Variants in NEBL observed in about 807,000 individuals in gnomAD.
NEBL encodes nebulette.
Under a neutral mutation model 140.2 loss-of-function variants are expected in NEBL, and 122 were observed. The observed-to-expected ratio is 0.87, with a 90% CI of 0.75 to 1.01. The LOEUF (loss-of-function observed/expected upper bound fraction) is 1.01, where lower values mean the gene tolerates loss of function less well. Ranked by LOEUF, NEBL falls within the 50% of genes least tolerant of loss-of-function variation. NEBL has a pLI of 0.00. For missense variants in NEBL, 1,365 were observed against 1,231.3 expected (o/e 1.11, Z -1.62); for synonymous variants, 436 against 398.9 (o/e 1.09, Z -1.11).
Position 20,824,804 on chromosome 10 carries a change from C to A in NEBL, c.1870-1504G>T, listed in dbSNP as rs141133486. ...TTTTGTTTTTCAAAGGGACTCTAAT[C>A]AAAATGGCACAGTTATTTCACTGTA... On this transcript the variant is annotated intron_variant, in intron 18 of 27. Coordinates refer to ENST00000377122, the MANE Select transcript of NEBL (RefSeq NM_006393.3). Among the ~76,000 whole-genome samples the A allele has an allele frequency of 8.4e-4, 128 of 152,272 alleles. No individual in the cohort carries two copies. The East Asian group carries it at 0.022, about 26-fold the overall frequency.
intron 2 of NEBL, among the ~76,000 whole-genome samples, chr10:21,084,599 AAAAAAAAT>A (rs371876327): frequency 1.4e-4 from 21 of 152,244 alleles, no homozygotes; most frequent in African/African-American, 2.9e-4. Flanking sequence ...TCTGTCCCAA[AAAAAAAAT>A]AAAAAAATAA....
At chr10:20,830,734 CAAA>C (rs577547056) in intron 16 of NEBL, among the ~76,000 whole-genome samples, 1 of 129,860 alleles carries the variant, frequency 7.7e-6, no homozygotes. Context: ...CCAATAGGGT[CAAA>C]AAAAAAAAAA....
chr10:21,237,440 G>A (rs11012602), intron 3 of NEBL, among the ~76,000 whole-genome samples: 8,142 of 152,184 alleles, frequency 0.054, 261 homozygotes, highest in South Asian at 0.14. Flanking sequence ...CCTGACCTCA[G>A]GTTATCCACC....
At chr10:21,141,350 G>A (rs1007043226) in intron 2 of NEBL, among the ~76,000 whole-genome samples, 2 of 152,006 alleles carry the variant, frequency 1.3e-5, no homozygotes, top group Non-Finnish European at 2.9e-5. Flanking sequence ...CATTATTTAG[G>A]GGCAACGAGA....
intron 4 of NEBL, among the ~76,000 whole-genome samples, chr10:20,916,219 C>A (rs1056668531): frequency 1.1e-4 from 17 of 152,130 alleles, no homozygotes; most frequent in Non-Finnish European, 2.1e-4. Context: ...GAGTTCCCAA[C>A]ACCTTAACCT....
chr10:21,141,207 T>C (rs1177658577), intron 2 of NEBL, among the ~76,000 whole-genome samples: 6 of 152,354 alleles, frequency 3.9e-5, no homozygotes, highest in Admixed American at 2.0e-4. Context: ...ATGGCATTAT[T>C]GTTTCATTTA....
At chr10:20,981,383 T>A (rs1837032888) in intron 3 of NEBL, among the ~76,000 whole-genome samples, 2 of 150,504 alleles carry the variant, frequency 1.3e-5, no homozygotes, top group South Asian at 4.2e-4. Context: ...CCTAGTATTA[T>A]GAAGAATTCT....
chr10:20,968,538 T>A (rs995909905), intron 3 of NEBL, among the ~76,000 whole-genome samples: 1 of 151,800 alleles, frequency 6.6e-6, no homozygotes, highest in African/African-American at 2.4e-5. Flanking sequence ...TACATAAATA[T>A]GGAGGAGGGA....
rs1242168937 is a variant in NEBL at position 20,796,697 on chromosome 10, G to A, written c.2762-9389C>T. Among the ~76,000 whole-genome samples the A allele has an allele frequency of 2.6e-5, 4 of 151,958 alleles. No individual in the cohort carries two copies. In the South Asian group the frequency reaches 6.2e-4, roughly 24 times the overall value. ...CCCATTTACTTCTACATTTAGATTCGAATTGCCACTTCCATTTTTTTCCCT... is the reference window on the plus strand; with the variant it reads ...CCCATTTACTTCTACATTTAGATTCAAATTGCCACTTCCATTTTTTTCCCT... On this transcript the variant is annotated intron_variant, in intron 26 of 27. Coordinates refer to ENST00000377122, the MANE Select transcript of NEBL (RefSeq NM_006393.3).
At position 20,979,857 on chromosome 10, in the gene NEBL, C is replaced by T. The variant is rs550164757; in HGVS notation, c.250-18078G>A. Among the ~76,000 whole-genome samples, 51 of 152,128 alleles carry T rather than the reference C, an allele frequency of 3.4e-4. No individual in the cohort carries two copies. The South Asian group carries it at 8.3e-3, about 25-fold the overall frequency. On this transcript the variant is annotated intron_variant, in intron 3 of 6. Transcript: ENST00000417816. ...GAGTAGCTGGGACTACAAGCACATG[C>T]CACCATGGTCATCTAATTTTTAAAT...
intron 4 of NEBL, among the ~76,000 whole-genome samples, chr10:20,926,879 A>G (rs1411414162): frequency 6.6e-6 from 1 of 152,224 alleles, no homozygotes; most frequent in South Asian, 2.1e-4. Context: ...ATTCCCATCA[A>G]CTAAGCACAA....
chr10:20,795,614 C>G (rs757908047), intron 26 of NEBL, among the ~76,000 whole-genome samples: 17 of 151,896 alleles, frequency 1.1e-4, no homozygotes, highest in Non-Finnish European at 2.5e-4. Context: ...ATTGCCAATA[C>G]CAACCTATTT....
At chr10:21,256,163 G>A (rs750172176) in intron 1 of NEBL, among the ~76,000 whole-genome samples, 1 of 151,820 alleles carries the variant, frequency 6.6e-6, no homozygotes, top group Non-Finnish European at 1.5e-5. Flanking sequence ...CACATCCTGG[G>A]TTCAAGTGAT....
rs16921538 is a variant in NEBL, at chr10:21,077,892, A to G, written c.165-57691T>C. On this transcript the variant is annotated intron_variant, in intron 2 of 6. Coordinates refer to the NEBL transcript ENST00000417816. ...GCCCGAGCTATGGGCTTCCCACACT[A>G]TTCATGACCACGAGAAAGTACTTTA... Among the ~76,000 whole-genome samples the G allele has an allele frequency of 7.6e-3, 1,160 of 152,210 alleles. 51 individuals carry two copies. The East Asian group carries it at 0.11, about 14-fold the overall frequency.
intron 2 of NEBL, among the ~76,000 whole-genome samples, chr10:21,043,852 T>C (rs1333542253): frequency 6.6e-6 from 1 of 152,212 alleles, no homozygotes; most frequent in Non-Finnish European, 1.5e-5. Context: ...TTGTTTTTAT[T>C]ATCTATTATA....
chr10:21,203,418 A>G (rs962629507), intron 3 of NEBL, among the ~76,000 whole-genome samples: 6 of 152,214 alleles, frequency 3.9e-5, no homozygotes, highest in African/African-American at 7.2e-5. Context: ...AAGTTCTCCA[A>G]CTTATGGACT....
chr10:21,112,837 T>C lies in NEBL; in HGVS notation c.164+59546A>G, dbSNP rs1838093709. 7 of 230,388 alleles carry C rather than the reference T, an allele frequency of 3.0e-5. No homozygotes were observed. The South Asian group carries it at 4.6e-4, about 15-fold the overall frequency. The allele number at this position is 230,388 out of a possible 1,614,324, so 14.3% of individuals were successfully genotyped here. A position where few individuals can be genotyped will look rare whatever the true frequency, so the allele number is the denominator to read the frequency against. On this transcript the variant is annotated intron_variant, in intron 2 of 6. Transcript: ENST00000417816. Reference sequence around the variant, plus strand: ...AAATTACACCACCCAGTCTTACAGTTGAAGTGTGGTTCAGGGCCTGTACAT... The same window carrying C: ...AAATTACACCACCCAGTCTTACAGTCGAAGTGTGGTTCAGGGCCTGTACAT...
intron 2 of NEBL, chr10:21,146,508 T>A (rs757460664): frequency 7.5e-6 from 12 of 1,609,770 alleles, no homozygotes; most frequent in Admixed American, 5.0e-5. Flanking sequence ...CTTTTAGCCA[T>A]CCTACTCCTG....
intron 1 of NEBL, among the ~76,000 whole-genome samples, chr10:21,261,317 C>T (rs970674737): frequency 5.3e-5 from 8 of 152,080 alleles, no homozygotes; most frequent in South Asian, 4.1e-4. Flanking sequence ...CAATAATGGA[C>T]GCTGAACCTC....
Sources: gnomAD v4.1 joint callset for allele counts (sites outside exome capture counted in the v4.1 genomes callset) on GRCh38, gnomAD v4.1.1 for gene constraint, MANE v1.5 for transcripts, NCBI Gene and HGNC (gene_info 2026-07-23, HGNC 2026-07-21) for gene names.